Variants in SRRM4 observed in about 807,000 individuals in gnomAD.
SRRM4 encodes serine/arginine repetitive matrix protein 4.
A neutral mutation model predicts 68.9 loss-of-function variants in SRRM4; 33 were observed. The observed-to-expected ratio is 0.48, with a 90% CI of 0.36 to 0.64. SRRM4 has a LOEUF of 0.64. SRRM4 is among the 30% of genes least tolerant of loss of function. The pLI is 0.00. For synonymous variants in SRRM4, 318 were observed against 318.8 expected (o/e 1.00, Z 0.03); for missense variants, 817 against 827.1 (o/e 0.99, Z 0.15).
At position 119,151,078 on chromosome 12, in the gene SRRM4, A is replaced by G. The variant is rs780545057; in HGVS notation, c.1138A>G (p.Thr380Ala). The G allele has an allele frequency of 3.7e-5, 60 of 1,613,862 alleles. No individual in the cohort carries two copies. Among genetic ancestry groups the G allele is most frequent in the Non-Finnish European group, 4.8e-5 (57 of 1,179,908 alleles). The stretch of plus-strand genomic sequence containing the variant: ...GAAGAAGTCCAGTTTGGTCCCATCC[A>G]CAGCCCGGAGCTCACCCATGAAAGG... ...EVKKSSLVPS[T>A]ARSSPMKGCS... The change falls in exon 10 of 13, where the codon ACA (threonine) becomes GCA (alanine). Residue 380 changes from threonine to alanine, a missense_variant. Transcript: ENST00000267260.
chr12:119,095,731 C>A (rs948232500), intron 1 of SRRM4, among the ~76,000 whole-genome samples: 1 of 152,028 alleles, frequency 6.6e-6, no homozygotes, highest in Non-Finnish European at 1.5e-5. Flanking sequence ...TATCTTACAA[C>A]GTAATTACCA....
chr12:119,119,844 A>G (rs1474637815), intron 4 of SRRM4, among the ~76,000 whole-genome samples: 3 of 152,074 alleles, frequency 2.0e-5, no homozygotes, highest in Non-Finnish European at 4.4e-5. Flanking sequence ...GACTCTCTCT[A>G]CGTTCTCCTT....
intron 1 of SRRM4, among the ~76,000 whole-genome samples, chr12:119,095,215 G>C (rs1174015227): frequency 6.6e-6 from 1 of 152,176 alleles, no homozygotes; most frequent in Non-Finnish European, 1.5e-5. Context: ...GAGGTCCCAG[G>C]AGCCAAGGCA....
intron 1 of SRRM4, among the ~76,000 whole-genome samples, chr12:119,033,649 T>C (rs1252055413): frequency 6.8e-6 from 1 of 146,350 alleles, no homozygotes; most frequent in Non-Finnish European, 1.5e-5. Flanking sequence ...GGTGACAGAA[T>C]GAGACTCCAT....
chr12:119,013,736 T>C (rs1291390745), intron 1 of SRRM4, among the ~76,000 whole-genome samples: 1 of 152,234 alleles, frequency 6.6e-6, no homozygotes, highest in Non-Finnish European at 1.5e-5. Context: ...ATCAATATCC[T>C]ATTGATTTAT....
At chr12:119,125,255 G>A (rs563657744) in intron 6 of SRRM4, 126 bp from the exon 7 acceptor site, 62 of 808,338 alleles carry the variant, frequency 7.7e-5, no homozygotes, top group Non-Finnish European at 1.1e-4. Flanking sequence ...GAGGGAGATG[G>A]AGAACTTCGG....
chr12:119,008,402 A>C (rs1953428504), intron 1 of SRRM4, among the ~76,000 whole-genome samples: 1 of 151,898 alleles, frequency 6.6e-6, no homozygotes, highest in African/African-American at 2.4e-5. Flanking sequence ...AATGTTATCT[A>C]ATATCTATTC....
intron 4 of SRRM4, among the ~76,000 whole-genome samples, chr12:119,117,360 T>C (rs7978612): frequency 0.038 from 5,834 of 152,252 alleles, 120 homozygotes; most frequent in African/African-American, 0.052. Flanking sequence ...GGCTGCACCC[T>C]GCCCCATCTC....
Position 119,154,152 on chromosome 12 carries a change from T to C in SRRM4, c.1392-91T>C, listed in dbSNP as rs75505012. ...GACCCCATCCCGTGACCCAGTGGGGTGGGAAAGAAAGGGAGTGTCCCTCTC... is the reference window on the plus strand; with the variant it reads ...GACCCCATCCCGTGACCCAGTGGGGCGGGAAAGAAAGGGAGTGTCCCTCTC... On this transcript the variant is annotated intron_variant, in intron 11 of 12. Transcript: ENST00000267260. The surrounding 1 kb of genome is among the most constrained non-coding windows in gnomAD (Gnocchi z 4.7). 2.9e-4 allele frequency: 352 copies of C among 1,228,030 alleles called. 7 individuals are homozygous for C. The East Asian group carries it at 9.0e-3, about 31-fold the overall frequency. 76.1% of individuals were successfully genotyped at this position (1,228,030 alleles called of 1,614,324 possible).
At chr12:119,116,892 C>A (rs759221208) in intron 3 of SRRM4, 45 bp from the exon 4 acceptor site, 1 of 1,586,712 alleles carries the variant, frequency 6.3e-7, no homozygotes, top group Admixed American at 1.7e-5. Flanking sequence ...CCAACCTTGG[C>A]CTTTAAGAGC....
intron 1 of SRRM4, among the ~76,000 whole-genome samples, chr12:119,054,795 C>T (rs1274030007): frequency 6.6e-6 from 1 of 152,162 alleles, no homozygotes; most frequent in African/African-American, 2.4e-5. Context: ...GCAGCTGTCC[C>T]TTGGGGTGGC....
At position 119,122,299 on chromosome 12, in the gene SRRM4, G is replaced by GC. The variant is rs752030436; in HGVS notation, c.515+179_515+180insC. On this transcript the variant is annotated intron_variant, in intron 6 of 12. Transcript: ENST00000267260. ...GGCAGGAAGGCAGGAAGGCAGGAAG[G>GC]AAGGAAGGAAGGAAGGAAGGAAGGA... Among the ~76,000 whole-genome samples, 668 of 94,144 alleles carry GC rather than the reference G, an allele frequency of 7.1e-3. 3 individuals carry two copies. Among genetic ancestry groups the GC allele is most frequent in the African/African-American group, 0.017 (539 of 31,500 alleles). The allele number at this position is 94,144 out of a possible 152,430, so 61.8% of individuals were successfully genotyped here.
chr12:118,983,391 C>T (rs1953262552), intron 1 of SRRM4, among the ~76,000 whole-genome samples: 1 of 152,192 alleles, frequency 6.6e-6, no homozygotes, highest in South Asian at 2.1e-4. Flanking sequence ...ACCCACCCAC[C>T]CACTGACACA....
chr12:119,029,523 A>C (rs1428940271), intron 1 of SRRM4, among the ~76,000 whole-genome samples: 1 of 152,228 alleles, frequency 6.6e-6, no homozygotes, highest in Non-Finnish European at 1.5e-5. Context: ...ATTCATTAGG[A>C]GCCCTCTCTG....
chr12:119,141,285 T>TAAA (rs1201647386), intron 8 of SRRM4, among the ~76,000 whole-genome samples: 1 of 152,212 alleles, frequency 6.6e-6, no homozygotes, highest in African/African-American at 2.4e-5. Context: ...AAAGAAAAGA[T>TAAA]AAATGTTTAA....
intron 2 of SRRM4, among the ~76,000 whole-genome samples, chr12:119,111,569 C>T (rs1954143868): frequency 1.3e-5 from 2 of 151,976 alleles, no homozygotes; most frequent in Non-Finnish European, 2.9e-5. Flanking sequence ...TTTTTTCTCT[C>T]AAGTTTTTCT....
In SRRM4 at chr12:119,125,440, C is replaced by A; in HGVS notation, c.575C>A (p.Ser192Tyr). Residue 192 changes from serine (S) to tyrosine (Y), a missense_variant, in exon 7 of 13, where the codon TCC becomes TAC. Coordinates refer to ENST00000267260, the MANE Select transcript of SRRM4 (RefSeq NM_194286.4). ...CGCCATCACCGCTGCCCCTCGCGGT[C>A]CCAGAGCTCGGAGTCCCGCCCCTCA... ...RHRHHRCPSR[S>Y]QSSESRPSSC... 1.2e-6 allele frequency: 2 copies of A among 1,613,502 alleles called. No homozygotes were observed. Among genetic ancestry groups the A allele is most frequent in the Middle Eastern group, 3.3e-4 (2 of 6,062 alleles).
chr12:119,120,385 C>G, intron 5 of SRRM4, 109 bp downstream of exon 5: 1 of 1,124,270 alleles, frequency 8.9e-7, no homozygotes, highest in African/African-American at 1.6e-5. Context: ...AGGCATGACC[C>G]CTTCATCTTC....
At chr12:119,101,558 T>G (rs1954077674) in intron 1 of SRRM4, among the ~76,000 whole-genome samples, 1 of 151,972 alleles carries the variant, frequency 6.6e-6, no homozygotes, top group African/African-American at 2.4e-5. Context: ...GTATATTTTA[T>G]CTCATTTTAT....
Sources: gnomAD v4.1 joint callset for allele counts (sites outside exome capture counted in the v4.1 genomes callset) on GRCh38, gnomAD v4.1.1 for gene constraint, Gnocchi (gnomAD v3.1) non-coding constraint, MANE v1.5 for transcripts, NCBI Gene and HGNC (gene_info 2026-07-23, HGNC 2026-07-21) for gene names.